The following SNRPA1 variants were observed in gnomAD, a reference collection of about 807,000 sequenced individuals.
The protein encoded by SNRPA1 is U2 small nuclear ribonucleoprotein A'.
A neutral mutation model predicts 32.3 loss-of-function variants in SNRPA1; 5 were observed. The observed-to-expected ratio is 0.15, with a 90% confidence interval of 0.08 to 0.33. The LOEUF is 0.33. Among genes scored for constraint, SNRPA1 ranks in the 10% least tolerant of loss-of-function variants. SNRPA1 has a pLI of 1.00. For synonymous variants in SNRPA1, 111 were observed against 120.1 expected, an observed-to-expected ratio of 0.92 and a Z score of 0.50; for missense variants, 198 against 311.1, an observed-to-expected ratio of 0.64 and a Z score of 2.74.
intron 8 of SNRPA1, among the ~76,000 whole-genome samples, chr15:101,283,582 C>CAAA (rs71850715): frequency 3.5e-4 from 53 of 152,072 alleles, no homozygotes; most frequent in African/African-American, 1.1e-3. Flanking sequence ...ACAACAACAA[C>CAAA]AAAATCAGTC....
At chr15:101,293,424 A>C in intron 1 of SNRPA1, 1 of 309,080 alleles carries the variant, frequency 3.2e-6, no homozygotes, top group East Asian at 5.6e-5. Flanking sequence ...GACAATAACA[A>C]TGGCTGATAT....
At position 101,295,199 on chromosome 15, in the gene SNRPA1, C is replaced by G; in HGVS notation, c.-21G>C. 1 of 1,522,822 alleles carries G rather than the reference C, an allele frequency of 6.6e-7. No individual in the cohort carries two copies. Among genetic ancestry groups the G allele is most frequent in the Non-Finnish European group, 8.8e-7 (1 of 1,137,656 alleles). 94.3% of individuals were successfully genotyped at this position (1,522,822 alleles called of 1,614,324 possible). A position where few individuals can be genotyped will look rare whatever the true frequency, so the allele number is the denominator to read the frequency against. On this transcript the variant is annotated 5_prime_UTR_variant, in exon 1 of 9. Transcript: ENST00000254193. Reference sequence around the variant, plus strand: ...ACCATCCTGCAGCCTCCCGTTCCCCCGCGCTGTGGAAAGCCCGTGGCCTCC... The same window carrying G: ...ACCATCCTGCAGCCTCCCGTTCCCCGGCGCTGTGGAAAGCCCGTGGCCTCC...
chr15:101,291,128 A>C (rs1296675553), intron 3 of SNRPA1, among the ~76,000 whole-genome samples: 1 of 152,046 alleles, frequency 6.6e-6, no homozygotes, highest in Non-Finnish European at 1.5e-5. Flanking sequence ...TGATCCTCCC[A>C]CCTTGGCTTC....
rs766914840 is a variant in SNRPA1 at position 101,285,103 on chromosome 15, C to A, written c.616-43G>T. The stretch of plus-strand genomic sequence containing the variant: ...ATGGAGATGGATGATTAACTTCAAC[C>A]AAGTATCAGCTACCCAGAAAACTAA... On this transcript the variant is annotated intron_variant, in intron 7 of 8. Coordinates refer to ENST00000254193, the MANE Select transcript of SNRPA1 (RefSeq NM_003090.4). 1.3e-5 allele frequency: 18 copies of A among 1,368,666 alleles called. 1 individual carries two copies. The highest frequency in any genetic ancestry group is 1.8e-5 in the Non-Finnish European group (17 of 958,244). The allele number at this position is 1,368,666 out of a possible 1,614,324, so 84.8% of individuals were successfully genotyped here.
chr15:101,289,537 C>G (rs1253039873), intron 3 of SNRPA1, among the ~76,000 whole-genome samples: 1 of 152,108 alleles, frequency 6.6e-6, no homozygotes, highest in Non-Finnish European at 1.5e-5. Flanking sequence ...AGCCCCAGAA[C>G]AGAGAGAAGA....
At chr15:101,288,884 T>G (rs6598445) in intron 3 of SNRPA1, among the ~76,000 whole-genome samples, 70,626 of 152,074 alleles carry the variant, frequency 0.46, 18,453 homozygotes, top group African/African-American at 0.72. Flanking sequence ...AAGAGCAATT[T>G]GGGCCCTCAC....
chr15:101,283,987 A>G (rs2039426086), intron 8 of SNRPA1, among the ~76,000 whole-genome samples: 1 of 152,234 alleles, frequency 6.6e-6, no homozygotes. Context: ...CAGCTCAAAC[A>G]TTATTTCCCT....
chr15:101,282,512 T>C (rs1386336034), intron 8 of SNRPA1, among the ~76,000 whole-genome samples: 1 of 152,234 alleles, frequency 6.6e-6, no homozygotes. Context: ...TTTTAGATAC[T>C]ATGCTAAAAC....
At chr15:101,286,026 T>G in intron 6 of SNRPA1, 188 bp downstream of exon 6, 1 of 639,848 alleles carries the variant, frequency 1.6e-6, no homozygotes, top group Non-Finnish European at 2.8e-6. Flanking sequence ...AAATATTTGC[T>G]CTGCTAAGCT....
chr15:101,288,573 C>T (rs546162787), intron 3 of SNRPA1: 5 of 152,254 alleles, frequency 3.3e-5, no homozygotes, highest in Admixed American at 2.6e-4. Flanking sequence ...TAATCTTCTC[C>T]AATTGTTCCA....
intron 3 of SNRPA1, chr15:101,289,924 T>TGAAAAAAAAAAAAAAAAAA (rs2039500936): frequency 2.4e-5 from 1 of 41,288 alleles, no homozygotes; most frequent in Non-Finnish European, 3.8e-5. Context: ...CCACTCCATC[T>TGAAAAAAAAAAAAAAAAAA]CAAAAAAAAA....
chr15:101,287,064 G>C, intron 4 of SNRPA1, 54 bp from the exon 5 acceptor site: 2 of 931,264 alleles, frequency 2.1e-6, no homozygotes, highest in East Asian at 4.9e-5. Flanking sequence ...CAGCACTCAA[G>C]AGGTCTGTTT....
chr15:101,286,669 T>A (rs775525464), intron 5 of SNRPA1: 11 of 485,712 alleles, frequency 2.3e-5, no homozygotes. Flanking sequence ...CTGCTCACCG[T>A]GGCCTCAGCA....
At chr15:101,291,554 C>T (rs1441225515) in intron 3 of SNRPA1, among the ~76,000 whole-genome samples, 8 of 150,706 alleles carry the variant, frequency 5.3e-5, no homozygotes, top group Non-Finnish European at 1.2e-4. Flanking sequence ...CTTTGAAATC[C>T]AGTGTGTATT....
chr15:101,286,025 C>G, intron 6 of SNRPA1, 189 bp downstream of exon 6: 1 of 638,764 alleles, frequency 1.6e-6, no homozygotes, highest in Non-Finnish European at 2.8e-6. Flanking sequence ...GAAATATTTG[C>G]TCTGCTAAGC....
chr15:101,292,134 A>G, intron 2 of SNRPA1, 94 bp from the exon 3 acceptor site: 2 of 856,922 alleles, frequency 2.3e-6, no homozygotes, highest in Middle Eastern at 2.3e-4. Flanking sequence ...AGAGACACTT[A>G]GAGATCCTTC....
chr15:101,294,307 T>G (rs1000687369), intron 1 of SNRPA1, among the ~76,000 whole-genome samples: 1 of 152,216 alleles, frequency 6.6e-6, no homozygotes, highest in Non-Finnish European at 1.5e-5. Flanking sequence ...CCCGCAGCGA[T>G]GCTGCTCCGA....
At position 101,283,876 on chromosome 15, in the gene SNRPA1, G is replaced by C. The variant is rs1286023664; in HGVS notation, c.709+1091C>G. Among the ~76,000 whole-genome samples, 3 of 152,338 alleles carry C rather than the reference G, an allele frequency of 2.0e-5. No homozygotes were observed. The East Asian group carries it at 5.8e-4, about 29-fold the overall frequency. The stretch of plus-strand genomic sequence containing the variant: ...AATCGCTTGAACCCGGGAGGCGGAG[G>C]TTGGCGTGAGCCGAGATCGCGCCAC... On this transcript the variant is annotated intron_variant, in intron 8 of 8. Transcript: ENST00000254193.
intron 1 of SNRPA1, among the ~76,000 whole-genome samples, chr15:101,294,235 T>TCAACA (rs1325336069): frequency 3.3e-5 from 5 of 152,188 alleles, no homozygotes; most frequent in South Asian, 2.1e-4. Flanking sequence ...AGACTCCATC[T>TCAACA]CAACACAACA....
Sources: allele counts gnomAD v4.1 joint callset (sites outside exome capture counted in the v4.1 genomes callset), GRCh38; gene constraint gnomAD v4.1.1; transcripts MANE v1.5; gene names NCBI Gene and HGNC (gene_info 2026-07-23, HGNC 2026-07-21).